The following MACROD2 variants were observed in gnomAD, a reference collection of about 807,000 sequenced individuals.
MACROD2 encodes the protein mono-ADP ribosylhydrolase 2.
Under a neutral mutation model 70.4 loss-of-function variants are expected in MACROD2, and 36 were observed. The observed-to-expected ratio is 0.51, with a 90% confidence interval of 0.39 to 0.68. The LOEUF (loss-of-function observed/expected upper bound fraction) is 0.68. MACROD2 is among the 30% of genes least tolerant of loss of function. The pLI is 0.00. For missense variants in MACROD2, 496 were observed against 538.4 expected (o/e 0.92, Z 0.78); for synonymous variants, 172 against 178.8 (o/e 0.96, Z 0.30).
chr20:14,118,108 G>A (rs894194714), intron 3 of MACROD2, among the ~76,000 whole-genome samples: 1 of 152,096 alleles, frequency 6.6e-6, no homozygotes, highest in African/African-American at 2.4e-5. Context: ...CGAGTTTGTG[G>A]CAATTTGTTA....
At chr20:14,557,309 G>A (rs80183937) in intron 4 of MACROD2, among the ~76,000 whole-genome samples, 1,532 of 151,858 alleles carry the variant, frequency 0.01, 13 homozygotes, top group Middle Eastern at 0.041. Flanking sequence ...ATGACCTTGC[G>A]CAATGAATTC....
chr20:15,665,842 A>T (rs1409571597), intron 8 of MACROD2, among the ~76,000 whole-genome samples: 1 of 152,312 alleles, frequency 6.6e-6, no homozygotes, highest in East Asian at 1.9e-4. Flanking sequence ...AGAAACTGAC[A>T]ATCCACAGTC....
intron 5 of MACROD2, among the ~76,000 whole-genome samples, chr20:14,791,839 T>G (rs1312590299): frequency 6.6e-6 from 1 of 151,732 alleles, no homozygotes. Flanking sequence ...TGCATTTATA[T>G]TATATATAAT....
chr20:15,642,400 C>T (rs932190990), intron 8 of MACROD2, among the ~76,000 whole-genome samples: 1 of 152,052 alleles, frequency 6.6e-6, no homozygotes, highest in African/African-American at 2.4e-5. Flanking sequence ...TTAACTTTGC[C>T]TGTTAGGTGG....
intron 8 of MACROD2, among the ~76,000 whole-genome samples, chr20:15,618,172 C>T (rs117257896): frequency 0.016 from 2,432 of 148,992 alleles, 33 homozygotes; most frequent in Non-Finnish European, 0.025. Context: ...GGGCTCCCCA[C>T]ACTCATGGTT....
chr20:15,877,901 CG>C, intron 9 of MACROD2, among the ~76,000 whole-genome samples: 1 of 152,064 alleles, frequency 6.6e-6, no homozygotes, highest in Admixed American at 6.6e-5. Context: ...CCCATATGTA[CG>C]GATGTTCCTG....
chr20:15,427,227 T>G (rs1305739603), intron 6 of MACROD2, among the ~76,000 whole-genome samples: 1 of 152,198 alleles, frequency 6.6e-6, no homozygotes. Context: ...GCTCCCACAT[T>G]CAAGGCAACG....
At chr20:15,070,937 T>C (rs2075614766) in intron 5 of MACROD2, among the ~76,000 whole-genome samples, 1 of 151,480 alleles carries the variant, frequency 6.6e-6, no homozygotes, top group African/African-American at 2.4e-5. Context: ...CAAAAAAGTC[T>C]TAAATTATTA....
chr20:14,755,980 C>A lies in MACROD2; in HGVS notation c.418+71021C>A, dbSNP rs370877502. Among the ~76,000 whole-genome samples the A allele has an allele frequency of 9.2e-5, 14 of 152,138 alleles. 1 individual carries two copies. The South Asian group carries it at 2.7e-3, about 29-fold the overall frequency. The stretch of plus-strand genomic sequence containing the variant: ...TAGTAATGTGAGTTATTAAGGGGGG[C>A]AAAATTTCATTAATTCATTCTGTTT... On this transcript the variant is annotated intron_variant, in intron 5 of 17. Coordinates refer to ENST00000684519, the MANE Select transcript of MACROD2 (RefSeq NM_001351661.2).
chr20:14,672,976 A>G (rs2123564266), intron 4 of MACROD2, among the ~76,000 whole-genome samples: 1 of 152,316 alleles, frequency 6.6e-6, no homozygotes, highest in African/African-American at 2.4e-5. Context: ...CTTTATATGA[A>G]TGTCTTGTAG....
At chr20:14,102,353 GTTGAGAAA>G (rs2054312860) in intron 3 of MACROD2, among the ~76,000 whole-genome samples, 1 of 152,038 alleles carries the variant, frequency 6.6e-6, no homozygotes, top group African/African-American at 2.4e-5. Context: ...TCAAGAGCCT[GTTGAGAAA>G]TTCATTATTA....
intron 4 of MACROD2, among the ~76,000 whole-genome samples, chr20:14,576,107 G>C (rs1246372583): frequency 6.6e-6 from 1 of 152,132 alleles, no homozygotes; most frequent in African/African-American, 2.4e-5. Flanking sequence ...AGAGGTACCA[G>C]CATGCTAGTT....
chr20:15,312,694 G>T (rs2146150628), intron 6 of MACROD2, among the ~76,000 whole-genome samples: 1 of 152,308 alleles, frequency 6.6e-6, no homozygotes, highest in South Asian at 2.1e-4. Context: ...AGACAAGAAA[G>T]TAGGAACAGC....
intron 4 of MACROD2, among the ~76,000 whole-genome samples, chr20:14,589,971 T>C (rs929117157): frequency 2.0e-5 from 3 of 152,198 alleles, no homozygotes; most frequent in African/African-American, 4.8e-5. Flanking sequence ...TGGTGAAGTG[T>C]TATATTGAGC....
chr20:15,813,777 G>A (rs34168345), intron 8 of MACROD2, among the ~76,000 whole-genome samples: 8,384 of 152,070 alleles, frequency 0.055, 320 homozygotes, highest in South Asian at 0.15. Context: ...AGAGATCCCC[G>A]TCTCAAAACA....
At chr20:16,045,729 A>T (rs901454786) in intron 17 of MACROD2, among the ~76,000 whole-genome samples, 5 of 152,142 alleles carry the variant, frequency 3.3e-5, no homozygotes, top group African/African-American at 1.2e-4. Flanking sequence ...TTTGCTTTAA[A>T]GTTGAACTAT....
intron 5 of MACROD2, among the ~76,000 whole-genome samples, chr20:14,707,331 G>A (rs549245834): frequency 6.6e-6 from 1 of 152,276 alleles, no homozygotes; most frequent in East Asian, 1.9e-4. Context: ...TTTTACATAT[G>A]AACCAATTTG....
chr20:14,969,860 T>C lies in MACROD2; in HGVS notation c.419-260080T>C, dbSNP rs530563969. ...AGCATAGAATTGCTTTAAACATAAATGAATTATGGCTCTGTTAATAACCAT... is the reference window on the plus strand; with the variant it reads ...AGCATAGAATTGCTTTAAACATAAACGAATTATGGCTCTGTTAATAACCAT... On this transcript the variant is annotated intron_variant, in intron 5 of 17. Transcript: ENST00000684519. Among the ~76,000 whole-genome samples, 18 of 152,268 alleles carry C rather than the reference T, an allele frequency of 1.2e-4. 1 individual carries two copies. The highest frequency in any genetic ancestry group is 4.6e-4 in the Admixed American group (7 of 15,300).
intron 4 of MACROD2, among the ~76,000 whole-genome samples, chr20:14,586,091 A>G (rs1981354856): frequency 6.6e-6 from 1 of 152,072 alleles, no homozygotes; most frequent in Non-Finnish European, 1.5e-5. Flanking sequence ...TACATTTTGG[A>G]GAAAATAGGA....
Sources: allele counts gnomAD v4.1 joint callset (sites outside exome capture counted in the v4.1 genomes callset), GRCh38; gene constraint gnomAD v4.1.1; transcripts MANE v1.5; gene names NCBI Gene and HGNC (gene_info 2026-07-23, HGNC 2026-07-21).